CCL28: variants seen among roughly 807,000 people sequenced by gnomAD.
CCL28 encodes the protein C-C motif chemokine ligand 28.
A neutral mutation model predicts 7.1 loss-of-function variants in CCL28; 4 were observed. That is an observed-to-expected ratio of 0.56 (90% CI 0.28 to 1.29). The LOEUF is 1.29. Ranked by LOEUF, CCL28 falls within the 50% of genes most tolerant of loss-of-function variation. The pLI, the probability that CCL28 is intolerant of heterozygous loss-of-function variation, is 0.11. For synonymous variants in CCL28, 55 were observed against 57.8 expected (o/e 0.95, Z 0.22); for missense variants, 151 against 163.4 (o/e 0.92, Z 0.41).
At chr5:43,371,116 G>A in the CCL28 span, among the ~76,000 whole-genome samples, 1 of 151,998 alleles carries the variant, frequency 6.6e-6, no homozygotes, top group Non-Finnish European at 1.5e-5. Context: ...ATATATGGAG[G>A]AACATATAAG....
At chr5:43,399,630 T>G (rs1740949812) in intron 1 of CCL28, among the ~76,000 whole-genome samples, 1 of 152,206 alleles carries the variant, frequency 6.6e-6, no homozygotes, top group Non-Finnish European at 1.5e-5. Flanking sequence ...TTTTGCTTTT[T>G]TTCTAGGAAT....
downstream of CCL28, among the ~76,000 whole-genome samples, chr5:43,372,557 T>C (rs932817526): frequency 2.3e-4 from 35 of 151,948 alleles, no homozygotes; most frequent in Non-Finnish European, 4.4e-4. Context: ...TTAGTAGAGA[T>C]GGGGTTTCTC....
intron 1 of CCL28, among the ~76,000 whole-genome samples, chr5:43,394,471 G>T (rs1034777199): frequency 6.6e-6 from 1 of 151,922 alleles, no homozygotes; most frequent in Admixed American, 6.6e-5. Context: ...AGATTTTCTT[G>T]GTCCTCCAAG....
chr5:43,409,349 C>A (rs935939091), intron 1 of CCL28, among the ~76,000 whole-genome samples: 2 of 152,082 alleles, frequency 1.3e-5, no homozygotes, highest in African/African-American at 4.8e-5. Flanking sequence ...TTGCTTGAAC[C>A]CAGGAGGCGG....
At position 43,388,625 on chromosome 5, in the gene CCL28, T is replaced by C. The variant is rs1740438619; in HGVS notation, c.65-149A>G. Reference sequence around the variant, plus strand: ...GTGAATACAGACTTGGGGCAGGACATGTTCCCACTTTCTGGAATTTAAGCT... The same window carrying C: ...GTGAATACAGACTTGGGGCAGGACACGTTCCCACTTTCTGGAATTTAAGCT... On this transcript the variant is annotated intron_variant, in intron 1 of 2. Transcript: ENST00000361115. The C allele has an allele frequency of 1.3e-5, 9 of 697,560 alleles. No homozygotes were observed. In the East Asian group the frequency reaches 2.5e-4, roughly 20 times the overall value. The allele number at this position is 697,560 out of a possible 1,614,324, so 43.2% of individuals were successfully genotyped here.
chr5:43,405,882 A>G (rs894572354), intron 1 of CCL28, among the ~76,000 whole-genome samples: 1 of 152,264 alleles, frequency 6.6e-6, no homozygotes, highest in Non-Finnish European at 1.5e-5. Flanking sequence ...TATGCAAATA[A>G]GCTAGAAAAT....
the CCL28 span, among the ~76,000 whole-genome samples, chr5:43,368,144 T>A: frequency 6.6e-6 from 1 of 152,202 alleles, no homozygotes; most frequent in Admixed American, 6.5e-5. Context: ...CCTTTTGTAA[T>A]ACGTGGGAGG....
the CCL28 span, among the ~76,000 whole-genome samples, chr5:43,363,393 AGAT>A: frequency 0.063 from 9,597 of 152,252 alleles, 680 homozygotes; most frequent in African/African-American, 0.18. Flanking sequence ...ACAGTTCAGT[AGAT>A]GATGATATCC....
chr5:43,399,115 G>A (rs1255640051), intron 1 of CCL28, among the ~76,000 whole-genome samples: 1 of 152,174 alleles, frequency 6.6e-6, no homozygotes, highest in Non-Finnish European at 1.5e-5. Context: ...CGCAACTGAA[G>A]ACATCATCTC....
chr5:43,386,037 A>G lies in CCL28; in HGVS notation c.191+2313T>C, dbSNP rs367619128. On this transcript the variant is annotated intron_variant, in intron 2 of 2. Transcript: ENST00000361115. ...TTCTCCAAGCCTTTCTGGGAGTCCT[A>G]TTGGAGCCCTTACAAGCTTCAAGCT... Among the ~76,000 whole-genome samples the G allele has an allele frequency of 1.2e-4, 18 of 152,192 alleles. No homozygotes were observed. The South Asian group carries it at 2.1e-3, about 18-fold the overall frequency.
downstream of CCL28, among the ~76,000 whole-genome samples, chr5:43,377,717 C>CATTTTTTT (rs1739937588): frequency 2.3e-5 from 1 of 42,708 alleles, no homozygotes; most frequent in Non-Finnish European, 3.9e-5. Flanking sequence ...AGAACTTAAA[C>CATTTTTTT]TTTTTTTTTT....
the CCL28 span, among the ~76,000 whole-genome samples, chr5:43,359,737 G>T: frequency 6.6e-5 from 10 of 152,094 alleles, no homozygotes; most frequent in Admixed American, 6.6e-4. Flanking sequence ...TTCCTCAATT[G>T]CTCCTATACA....
intron 1 of CCL28, among the ~76,000 whole-genome samples, chr5:43,410,981 C>T (rs565039383): frequency 2.6e-5 from 4 of 152,300 alleles, no homozygotes; most frequent in East Asian, 1.9e-4. Context: ...AGTACATTGA[C>T]GGACTATATT....
chr5:43,378,432 T>C (rs1050752564), downstream of CCL28, among the ~76,000 whole-genome samples: 1 of 152,142 alleles, frequency 6.6e-6, no homozygotes, highest in South Asian at 2.1e-4. Context: ...ATTTTTATTA[T>C]AAATTCTGCT....
rs772242018 is a variant in CCL28, at chr5:43,412,281, A to C, written c.36T>G (p.Ala12=). 6.2e-7 allele frequency: 1 copy of C among 1,613,086 alleles called. No individual in the cohort carries two copies. The highest frequency in any genetic ancestry group is 1.7e-5 in the Admixed American group (1 of 59,972). The stretch of plus-strand genomic sequence containing the variant: ...CTGAGGCATGTAGGGCCGCACAGAC[A>C]GCCAAGGCCACGATGGCGAGTCCTC... ...QQRGLAIVAL[A]VCAALHASEA... Residue 12 remains alanine, a synonymous_variant, in exon 1 of 3, where the codon GCT becomes GCG. Transcript: ENST00000361115.
chr5:43,398,111 T>C (rs1740887150), intron 1 of CCL28, among the ~76,000 whole-genome samples: 1 of 152,266 alleles, frequency 6.6e-6, no homozygotes, highest in Non-Finnish European at 1.5e-5. Flanking sequence ...ATTTATAGGG[T>C]GCTGCCTGCA....
chr5:43,387,024 G>A (rs1381857424), intron 2 of CCL28, among the ~76,000 whole-genome samples: 1 of 152,184 alleles, frequency 6.6e-6, no homozygotes, highest in Non-Finnish European at 1.5e-5. Context: ...AGTGACTCAG[G>A]AGCTCAGGCA....
At chr5:43,407,473 A>C (rs1336875790) in intron 1 of CCL28, among the ~76,000 whole-genome samples, 1 of 152,324 alleles carries the variant, frequency 6.6e-6, no homozygotes, top group East Asian at 1.9e-4. Context: ...CCTTCCTTAC[A>C]CCTTATACAA....
the CCL28 span, among the ~76,000 whole-genome samples, chr5:43,366,618 G>A: frequency 1.3e-5 from 2 of 152,192 alleles, no homozygotes; most frequent in African/African-American, 2.4e-5. Flanking sequence ...CATGAGGCAT[G>A]GGGGTCAGGG....
Sources: allele counts gnomAD v4.1 joint callset (sites outside exome capture counted in the v4.1 genomes callset), GRCh38; gene constraint gnomAD v4.1.1; transcripts MANE v1.5; gene names NCBI Gene and HGNC (gene_info 2026-07-23, HGNC 2026-07-21).